The following CACNA2D1 variants were observed in gnomAD, a reference collection of about 807,000 sequenced individuals.
CACNA2D1 encodes the protein calcium voltage-gated channel auxiliary subunit alpha2delta 1, also known as voltage-dependent calcium channel subunit alpha-2/delta-1.
A neutral mutation model predicts 171.5 loss-of-function variants in CACNA2D1; 53 were observed. The ratio of observed to expected loss-of-function variants is 0.31; its 90% CI spans 0.25 to 0.39. The LOEUF (loss-of-function observed/expected upper bound fraction) is 0.39, where lower values mean the gene tolerates loss of function less well. Among genes scored for constraint, CACNA2D1 ranks in the 10% least tolerant of loss-of-function variants. CACNA2D1 has a pLI of 1.00. For missense variants in CACNA2D1, 903 were observed against 1,299.8 expected (o/e 0.69, Z 4.69); for synonymous variants, 442 against 443.1 (o/e 1.00, Z 0.03).
chr7:82,422,086 C>A (rs932098922), intron 1 of CACNA2D1, among the ~76,000 whole-genome samples: 1 of 152,120 alleles, frequency 6.6e-6, no homozygotes, highest in Non-Finnish European at 1.5e-5. Flanking sequence ...AAATGCCCAT[C>A]CCATATTTTT....
At chr7:82,147,388 A>G (rs1793268007) in intron 4 of CACNA2D1, among the ~76,000 whole-genome samples, 1 of 152,160 alleles carries the variant, frequency 6.6e-6, no homozygotes. Context: ...GAGAAGGTAA[A>G]TATATTATTT....
chr7:81,947,130 A>G lies in CACNA2D1; in HGVS notation c.*3262T>C, dbSNP rs1562752759. ...ATTCAGAGTTTTAAATGAAGACAAA[A>G]TCTTAAGCTTTGTTGGTCACAGACA... On this transcript the variant is annotated 3_prime_UTR_variant, in exon 39 of 39. Coordinates refer to ENST00000356860, the MANE Select transcript of CACNA2D1 (RefSeq NM_000722.4). The G allele has an allele frequency of 6.6e-6, 1 of 151,986 alleles. No homozygotes were observed. The highest frequency in any genetic ancestry group is 2.4e-5 in the African/African-American group (1 of 41,424). 9.4% of individuals were successfully genotyped at this position (151,986 alleles called of 1,614,324 possible). A position where few individuals can be genotyped will look rare whatever the true frequency, so the allele number is the denominator to read the frequency against.
chr7:82,025,327 T>A (rs1450429055), intron 12 of CACNA2D1, among the ~76,000 whole-genome samples: 1 of 151,672 alleles, frequency 6.6e-6, no homozygotes. Context: ...ATCACAGTGT[T>A]ACAGTTTTCA....
chr7:82,135,153 C>T (rs973763903), intron 5 of CACNA2D1, among the ~76,000 whole-genome samples: 5 of 152,008 alleles, frequency 3.3e-5, no homozygotes, highest in Admixed American at 2.6e-4. Context: ...GAGGATTGCA[C>T]GTCAATGCCA....
intron 3 of CACNA2D1, among the ~76,000 whole-genome samples, chr7:82,196,526 T>C (rs531885487): frequency 6.6e-6 from 1 of 152,060 alleles, no homozygotes; most frequent in African/African-American, 2.4e-5. Flanking sequence ...ATTCAAGAAA[T>C]ACTAAGGAAG....
chr7:82,316,185 T>C (rs1274429310), intron 3 of CACNA2D1, among the ~76,000 whole-genome samples: 5 of 152,168 alleles, frequency 3.3e-5, no homozygotes, highest in Admixed American at 2.0e-4. Flanking sequence ...TTATTTTATA[T>C]AGTAACTACA....
chr7:82,079,696 A>G (rs1809453430), intron 7 of CACNA2D1, among the ~76,000 whole-genome samples: 4 of 151,774 alleles, frequency 2.6e-5, no homozygotes, highest in Admixed American at 2.6e-4. Flanking sequence ...TGTCTCAAAA[A>G]AAAAAAAAAA....
At chr7:82,283,338 T>C (rs757475283) in intron 3 of CACNA2D1, among the ~76,000 whole-genome samples, 4 of 152,208 alleles carry the variant, frequency 2.6e-5, no homozygotes, top group African/African-American at 7.2e-5. Context: ...GCTTATTATA[T>C]GCAAGGCTGG....
At chr7:82,239,800 G>T (rs1056387197) in intron 3 of CACNA2D1, among the ~76,000 whole-genome samples, 1 of 152,004 alleles carries the variant, frequency 6.6e-6, no homozygotes, top group African/African-American at 2.4e-5. Flanking sequence ...CCCATTGGAG[G>T]TCATTACCCT....
intron 32 of CACNA2D1, 87 bp downstream of exon 32, chr7:81,965,506 AT>A: frequency 2.5e-6 from 2 of 792,820 alleles, no homozygotes; most frequent in Non-Finnish European, 4.6e-6. Flanking sequence ...CAACTCATCG[AT>A]TTCTAAAACA....
chr7:82,214,431 A>T (rs577835739), intron 3 of CACNA2D1, among the ~76,000 whole-genome samples: 1 of 149,608 alleles, frequency 6.7e-6, no homozygotes, highest in African/African-American at 2.4e-5. Flanking sequence ...GAGCAAGCCC[A>T]TGCGCAAGGT....
intron 1 of CACNA2D1, among the ~76,000 whole-genome samples, chr7:82,366,509 G>A (rs1024223924): frequency 6.6e-6 from 1 of 152,104 alleles, no homozygotes; most frequent in Non-Finnish European, 1.5e-5. Context: ...AATTCTCTTA[G>A]GATACTGACC....
In CACNA2D1 at chr7:82,258,508, G is replaced by A. The variant is rs181542579; in HGVS notation, c.294+76627C>T. On this transcript the variant is annotated intron_variant, in intron 3 of 38. Transcript: ENST00000356860. ...TTACATAAACTTTATTGAGTCAGAC[G>A]GTATATAGAACTAAAGCTCCCAGTT... Among the ~76,000 whole-genome samples the A allele has an allele frequency of 5.9e-5, 9 of 152,104 alleles. No homozygotes were observed. The East Asian group carries it at 7.7e-4, about 13-fold the overall frequency.
At chr7:82,261,877 C>T (rs1394404282) in intron 3 of CACNA2D1, among the ~76,000 whole-genome samples, 1 of 152,140 alleles carries the variant, frequency 6.6e-6, no homozygotes, top group Admixed American at 6.5e-5. Flanking sequence ...ACAAGCCTGT[C>T]CTTTCTCCTG....
chr7:82,079,610 C>T (rs1009901690), intron 7 of CACNA2D1, among the ~76,000 whole-genome samples: 2 of 150,614 alleles, frequency 1.3e-5, no homozygotes, highest in African/African-American at 4.9e-5. Context: ...GAGAATCGCT[C>T]GAACCCAGGG....
chr7:82,383,125 G>A (rs541403540), intron 1 of CACNA2D1, among the ~76,000 whole-genome samples: 75 of 152,210 alleles, frequency 4.9e-4, no homozygotes, highest in East Asian at 4.6e-3. Flanking sequence ...CACATTTGCC[G>A]TTTAGAACAC....
chr7:82,281,173 T>G (rs1810049121), intron 3 of CACNA2D1, among the ~76,000 whole-genome samples: 1 of 152,200 alleles, frequency 6.6e-6, no homozygotes, highest in Admixed American at 6.5e-5. Flanking sequence ...TTGGGGCCAG[T>G]GGAAAAGAGA....
chr7:82,277,757 T>A lies in CACNA2D1; in HGVS notation c.294+57378A>T, dbSNP rs553958590. ...TTTTAATTTTTTACTTTTATTTTTT[T>A]TTTTTTGAGATGGAGTCTCGCCCTG... On this transcript the variant is annotated intron_variant, in intron 3 of 38. Coordinates refer to ENST00000356860, the MANE Select transcript of CACNA2D1 (RefSeq NM_000722.4). Among the ~76,000 whole-genome samples the A allele has an allele frequency of 1.5e-3, 219 of 149,978 alleles. 6 individuals are homozygous for A. The highest frequency in any genetic ancestry group is 5.0e-3 in the African/African-American group (203 of 40,902).
intron 1 of CACNA2D1, among the ~76,000 whole-genome samples, chr7:82,355,909 C>T (rs1820367134): frequency 6.6e-6 from 1 of 152,030 alleles, no homozygotes; most frequent in Non-Finnish European, 1.5e-5. Flanking sequence ...AGATGTCCTA[C>T]CATTCCTTTC....
Sources: gnomAD v4.1 joint callset for allele counts (sites outside exome capture counted in the v4.1 genomes callset) on GRCh38, gnomAD v4.1.1 for gene constraint, MANE v1.5 for transcripts, NCBI Gene and HGNC (gene_info 2026-07-23, HGNC 2026-07-21) for gene names.